ARHGEF7: variants seen among roughly 807,000 people sequenced by gnomAD.
The protein encoded by ARHGEF7 is Rho guanine nucleotide exchange factor 7.
ARHGEF7 carries 33 observed loss-of-function variants against 109.8 expected under a neutral mutation model. The ratio of observed to expected loss-of-function variants is 0.30; its 90% CI spans 0.23 to 0.40. The LOEUF is 0.40. Ranked by LOEUF, ARHGEF7 falls within the 10% of genes least tolerant of loss-of-function variation. The pLI is 1.00. For synonymous variants in ARHGEF7, 458 were observed against 424.6 expected, an observed-to-expected ratio of 1.08 and a Z score of -0.97; for missense variants, 938 against 1,098.5, an observed-to-expected ratio of 0.85 and a Z score of 2.07.
At chr13:111,159,505 A>G (rs1255241454) in intron 2 of ARHGEF7, among the ~76,000 whole-genome samples, 5 of 152,204 alleles carry the variant, frequency 3.3e-5, no homozygotes, top group African/African-American at 1.2e-4. Context: ...CCCACCAACA[A>G]TGTGCAAGGC....
intron 2 of ARHGEF7, among the ~76,000 whole-genome samples, chr13:111,163,448 C>T (rs1268975707): frequency 6.6e-6 from 1 of 152,118 alleles, no homozygotes; most frequent in African/African-American, 2.4e-5. Context: ...TTGTCTAGAT[C>T]AGCACTGTGC....
At chr13:111,199,947 T>G (rs986828480) in intron 2 of ARHGEF7, among the ~76,000 whole-genome samples, 2 of 152,212 alleles carry the variant, frequency 1.3e-5, no homozygotes, top group Non-Finnish European at 1.5e-5. Context: ...CTCTTCCTTT[T>G]TTCTGCTCCA....
In ARHGEF7 at chr13:111,272,631, G is replaced by T. The variant is rs1396508702; in HGVS notation, c.1074-1183G>T. ...CCCCTATCTTCTAGGATGGGGCGTG[G>T]TGATGGGGCGGGGGTCACCTGGGTC... On this transcript the variant is annotated intron_variant, in intron 9 of 21. Coordinates refer to ENST00000646102, the MANE Select transcript of ARHGEF7 (RefSeq NM_001354046.2). The surrounding 1 kb of genome is among the most constrained non-coding windows in gnomAD (Gnocchi z 5.2). 6.6e-6 allele frequency among the ~76,000 whole-genome samples: 1 copy of T among 152,184 alleles called. No homozygotes were observed. Among genetic ancestry groups the T allele is most frequent in the Non-Finnish European group, 1.5e-5 (1 of 68,024 alleles).
At chr13:111,115,776 C>T (rs2066694853) in intron 1 of ARHGEF7, 85 bp downstream of exon 1, 1 of 821,344 alleles carries the variant, frequency 1.2e-6, no homozygotes, top group Middle Eastern at 5.1e-4. Context: ...TGAGGCCGGC[C>T]GCGCTCGGGA....
intron 1 of ARHGEF7, among the ~76,000 whole-genome samples, chr13:111,146,045 G>C (rs981936758): frequency 9.2e-5 from 14 of 152,174 alleles, no homozygotes; most frequent in Non-Finnish European, 5.9e-5. Context: ...TGTCTAATGA[G>C]GGAGATGAGA....
intron 15 of ARHGEF7, 40 bp from the exon 16 acceptor site, chr13:111,283,099 T>C: frequency 6.4e-7 from 1 of 1,552,434 alleles, no homozygotes; most frequent in South Asian, 1.2e-5. Context: ...AGCACGCGAG[T>C]CTCATGTTCT....
Position 111,291,213 on chromosome 13 carries a change from C to A in ARHGEF7, c.2135-905C>A, listed in dbSNP as rs144437991. Among the ~76,000 whole-genome samples the A allele has an allele frequency of 7.2e-4, 110 of 152,372 alleles. 1 individual carries two copies. In the East Asian group the frequency reaches 0.013, roughly 19 times the overall value. ...CCCCGCCTCTGCATGGAGGGAGACC[C>A]TGGCGGCCCAGCCTGCCTCTCAGCC... On this transcript the variant is annotated intron_variant, in intron 18 of 21. Transcript: ENST00000646102.
In ARHGEF7 at chr13:111,290,915, G is replaced by T. The variant is rs1224174367; in HGVS notation, c.2135-1203G>T. Among the ~76,000 whole-genome samples, 4 of 152,304 alleles carry T rather than the reference G, an allele frequency of 2.6e-5. No individual in the cohort carries two copies. The South Asian group carries it at 8.3e-4, about 32-fold the overall frequency. ...TGGAAATGGGATCATAGTGAAAGCA[G>T]CTCTTTTTACATTAAATGCTTAGTA... On this transcript the variant is annotated intron_variant, in intron 18 of 21. Transcript: ENST00000646102.
chr13:111,244,570 T>C (rs749972348), intron 8 of ARHGEF7, among the ~76,000 whole-genome samples: 1 of 152,158 alleles, frequency 6.6e-6, no homozygotes, highest in Non-Finnish European at 1.5e-5. Context: ...GAAAGGAGAA[T>C]GGCCTGACAC....
chr13:111,184,645 T>A (rs1656935032), intron 2 of ARHGEF7, among the ~76,000 whole-genome samples: 1 of 152,156 alleles, frequency 6.6e-6, no homozygotes, highest in Non-Finnish European at 1.5e-5. Context: ...GAGGGGGAGA[T>A]GTGTCTTCTC....
intron 1 of ARHGEF7, among the ~76,000 whole-genome samples, chr13:111,132,473 T>C (rs1208199547): frequency 6.6e-6 from 1 of 152,214 alleles, no homozygotes; most frequent in African/African-American, 2.4e-5. Flanking sequence ...ATAGTCTAGA[T>C]TTGATATCAT....
chr13:111,205,929 A>G (rs2081774586), intron 3 of ARHGEF7, among the ~76,000 whole-genome samples: 1 of 152,112 alleles, frequency 6.6e-6, no homozygotes, highest in African/African-American at 2.4e-5. Context: ...CATGGGCCAC[A>G]GCGAAGACAG....
intron 5 of ARHGEF7, among the ~76,000 whole-genome samples, chr13:111,219,804 T>C (rs1594839051): frequency 6.6e-6 from 1 of 152,232 alleles, no homozygotes; most frequent in Non-Finnish European, 1.5e-5. Context: ...TTCCAGTTAA[T>C]GTATAAAGTA....
intron 6 of ARHGEF7, among the ~76,000 whole-genome samples, chr13:111,233,646 T>A (rs1342221191): frequency 1.3e-5 from 2 of 152,262 alleles, no homozygotes; most frequent in Non-Finnish European, 2.9e-5. Flanking sequence ...CCATTCTGTT[T>A]GTATTCAGAG....
In ARHGEF7 at chr13:111,255,749, C is replaced by T. The variant is rs1051973529; in HGVS notation, c.950+11455C>T. 6.6e-6 allele frequency among the ~76,000 whole-genome samples: 1 copy of T among 152,204 alleles called. No individual in the cohort carries two copies. Among genetic ancestry groups the T allele is most frequent in the Non-Finnish European group, 1.5e-5 (1 of 68,042 alleles). On this transcript the variant is annotated intron_variant, in intron 8 of 21. Transcript: ENST00000646102. This position sits in a 1 kb window ranked among gnomAD's most constrained non-coding sequence, Gnocchi z 4.1. The stretch of plus-strand genomic sequence containing the variant: ...GCAGCTTTGTCTTCACTTGATTTCA[C>T]TTTCTGCCCTTAAACTCGGGGACAT...
At chr13:111,269,115 C>T (rs763218443) in intron 9 of ARHGEF7, among the ~76,000 whole-genome samples, 1 of 152,230 alleles carries the variant, frequency 6.6e-6, no homozygotes, top group Non-Finnish European at 1.5e-5. Context: ...GCAGCATCTC[C>T]AAGCGTCCAG....
chr13:111,275,325 T>G (rs967260115), intron 11 of ARHGEF7, among the ~76,000 whole-genome samples: 3 of 152,230 alleles, frequency 2.0e-5, no homozygotes, highest in Admixed American at 2.0e-4. Context: ...AGAGCAGTTG[T>G]GTGTGTTGCT....
intron 1 of ARHGEF7, 49 bp from the exon 2 acceptor site, chr13:111,153,856 C>A (rs200625094): frequency 4.9e-4 from 767 of 1,573,534 alleles, no homozygotes; most frequent in Non-Finnish European, 6.2e-4. Flanking sequence ...TTGTCCGCGG[C>A]GTCCCCGCTG....
In ARHGEF7 at chr13:111,205,291, G is replaced by A. The variant is rs776410758; in HGVS notation, c.255G>A (p.Thr85=). ...GCTTGTTTAATTTTTCCTTTCAGAC[G>A]TTTGATGCAAATGATTTGTATCAGG... is the stretch of plus-strand genomic sequence containing the variant. ...RGCGASLRLE[T]FDANDLYQGQ... is the part of the protein sequence containing the mutation. The change falls in exon 3 of 22, where the codon ACG becomes ACA. Residue 85 remains threonine (T), a splice_region_variant and synonymous_variant. Transcript: ENST00000646102. 3.8e-6 allele frequency: 6 copies of A among 1,599,308 alleles called. No individual in the cohort carries two copies. Among genetic ancestry groups the A allele is most frequent in the Middle Eastern group, 1.7e-4 (1 of 6,018 alleles).
Sources: allele counts gnomAD v4.1 joint callset (sites outside exome capture counted in the v4.1 genomes callset), GRCh38; gene constraint gnomAD v4.1.1; non-coding constraint Gnocchi (gnomAD v3.1); transcripts MANE v1.5; gene names NCBI Gene and HGNC (gene_info 2026-07-23, HGNC 2026-07-21).